Variants in GABRG2 observed in about 807,000 individuals in gnomAD.
The protein encoded by GABRG2 is gamma-aminobutyric acid type A receptor subunit gamma2, also known as gamma-aminobutyric acid receptor subunit gamma-2.
In GABRG2, 16 loss-of-function variants were observed where a neutral mutation model predicts 56.4. That is an observed-to-expected ratio of 0.28 (90% confidence interval 0.19 to 0.43). The LOEUF (loss-of-function observed/expected upper bound fraction) is 0.43. Among genes scored for constraint, GABRG2 ranks in the 20% least tolerant of loss-of-function variants. GABRG2 has a pLI of 1.00. For missense variants in GABRG2, 327 were observed against 582.7 expected (o/e 0.56, Z 4.52); for synonymous variants, 208 against 205.5 (o/e 1.01, Z -0.10).
At chr5:162,097,095 G>C (rs561635015) in intron 3 of GABRG2, among the ~76,000 whole-genome samples, 1 of 152,134 alleles carries the variant, frequency 6.6e-6, no homozygotes, top group East Asian at 1.9e-4. Context: ...CAGATCTCCT[G>C]CTTATGACTT....
intron 3 of GABRG2, among the ~76,000 whole-genome samples, chr5:162,096,465 T>A (rs1761004870): frequency 1.3e-5 from 2 of 152,182 alleles, no homozygotes; most frequent in Admixed American, 6.6e-5. Flanking sequence ...TTCATGGCTT[T>A]TCTTGCCAAA....
At chr5:162,131,252 G>T (rs533708595) in intron 6 of GABRG2, among the ~76,000 whole-genome samples, 3 of 151,986 alleles carry the variant, frequency 2.0e-5, no homozygotes, top group Admixed American at 6.6e-5. Context: ...GCCTAGTTTC[G>T]TGATAATATA....
intron 1 of GABRG2, among the ~76,000 whole-genome samples, chr5:162,092,724 T>C (rs1054154220): frequency 1.3e-5 from 2 of 152,136 alleles, no homozygotes; most frequent in African/African-American, 4.8e-5. Flanking sequence ...GTGTGGCAAT[T>C]ATGTCATAGC....
intron 6 of GABRG2, among the ~76,000 whole-genome samples, chr5:162,128,838 C>T (rs1173281634): frequency 6.6e-6 from 1 of 151,846 alleles, no homozygotes; most frequent in Non-Finnish European, 1.5e-5. Flanking sequence ...AATGGAATGC[C>T]ATTGTGAGAA....
intron 6 of GABRG2, among the ~76,000 whole-genome samples, chr5:162,139,760 G>T (rs551373047): frequency 6.6e-6 from 1 of 152,210 alleles, no homozygotes; most frequent in Non-Finnish European, 1.5e-5. Flanking sequence ...ATGATAATTC[G>T]TAATTTTTTA....
intron 1 of GABRG2, among the ~76,000 whole-genome samples, chr5:162,071,348 G>A (rs566297189): frequency 2.6e-5 from 4 of 151,234 alleles, no homozygotes; most frequent in Admixed American, 2.0e-4. Flanking sequence ...AACATAAAAT[G>A]TTTTTATTTT....
chr5:162,080,853 A>G (rs1359941719), intron 1 of GABRG2, among the ~76,000 whole-genome samples: 1 of 152,182 alleles, frequency 6.6e-6, no homozygotes, highest in East Asian at 1.9e-4. Context: ...TATGTCAATG[A>G]TTTAAAACAT....
At chr5:162,088,714 G>A (rs371063754) in intron 1 of GABRG2, among the ~76,000 whole-genome samples, 125 of 152,156 alleles carry the variant, frequency 8.2e-4, no homozygotes, top group African/African-American at 2.8e-3. Flanking sequence ...TCTCAAAGCC[G>A]TGAAGAATAA....
intron 6 of GABRG2, among the ~76,000 whole-genome samples, chr5:162,121,296 G>C (rs1762963138): frequency 6.6e-6 from 1 of 152,022 alleles, no homozygotes; most frequent in Admixed American, 6.6e-5. Flanking sequence ...ATATAATTAG[G>C]TGTGAGCTAA....
chr5:162,111,075 T>C (rs1451130468), intron 6 of GABRG2, among the ~76,000 whole-genome samples: 2 of 152,134 alleles, frequency 1.3e-5, no homozygotes, highest in Non-Finnish European at 2.9e-5. Flanking sequence ...TAACCAAGGT[T>C]ACACTGTCAA....
intron 1 of GABRG2, among the ~76,000 whole-genome samples, chr5:162,092,345 G>A (rs1760666308): frequency 2.0e-5 from 3 of 152,080 alleles, no homozygotes; most frequent in Non-Finnish European, 4.4e-5. Flanking sequence ...GGGTATGTTA[G>A]GCCTTTTGCA....
At chr5:162,151,828 A>G (rs1425126005) in intron 9 of GABRG2, 75 bp downstream of exon 9, 2 of 1,307,086 alleles carry the variant, frequency 1.5e-6, no homozygotes, top group Admixed American at 3.5e-5. Flanking sequence ...ATGGTGTTTT[A>G]TTTTGTTTTA....
intron 1 of GABRG2, among the ~76,000 whole-genome samples, chr5:162,068,817 A>G (rs923144477): frequency 6.6e-6 from 1 of 152,092 alleles, no homozygotes; most frequent in African/African-American, 2.4e-5. Flanking sequence ...AATGAAATAT[A>G]CAGATCCTGA....
At chr5:162,128,467 A>G (rs978767613) in intron 6 of GABRG2, 8 of 151,928 alleles carry the variant, frequency 5.3e-5, no homozygotes, top group Admixed American at 2.6e-4. Context: ...TCAAGGAACA[A>G]TGCTGGAAAT....
At chr5:162,152,058 C>G (rs530509495) in intron 9 of GABRG2, 6 of 311,232 alleles carry the variant, frequency 1.9e-5, no homozygotes, top group African/African-American at 1.1e-4. Flanking sequence ...GGGATTGAGT[C>G]TTACTGATTA....
At chr5:162,070,548 ATTGGTTTTTT>A (rs1758591349) in intron 1 of GABRG2, among the ~76,000 whole-genome samples, 1 of 151,558 alleles carries the variant, frequency 6.6e-6, no homozygotes, top group South Asian at 2.1e-4. Flanking sequence ...TAAAAAAAAA[ATTGGTTTTTT>A]ATTTATGTAA....
chr5:162,070,606 T>C (rs1451675755), intron 1 of GABRG2, among the ~76,000 whole-genome samples: 3 of 151,986 alleles, frequency 2.0e-5, no homozygotes, highest in Non-Finnish European at 4.4e-5. Context: ...AGTGACAAAA[T>C]TTATTAGTCT....
chr5:162,152,935 T>A, intron 9 of GABRG2, 158 bp from the exon 10 acceptor site: 1 of 875,740 alleles, frequency 1.1e-6, no homozygotes, highest in Non-Finnish European at 1.8e-6. Flanking sequence ...GTGCTATCTT[T>A]CTAAGTTCAA....
In GABRG2 at chr5:162,086,328, C is replaced by T. The variant is rs558689175; in HGVS notation, c.108-7500C>T. On this transcript the variant is annotated intron_variant, in intron 1 of 9. Coordinates refer to ENST00000639213, the MANE Select transcript of GABRG2 (RefSeq NM_198904.4). ...ATTCATCGGGTGTCTTGCCAAATGC[C>T]CAACACTTACAAAGTTTTAGAAAAC... Among the ~76,000 whole-genome samples the T allele has an allele frequency of 3.9e-5, 6 of 152,034 alleles. No individual in the cohort carries two copies. The South Asian group carries it at 1.2e-3, about 32-fold the overall frequency.
Sources: allele counts gnomAD v4.1 joint callset (sites outside exome capture counted in the v4.1 genomes callset), GRCh38; gene constraint gnomAD v4.1.1; transcripts MANE v1.5; gene names NCBI Gene and HGNC (gene_info 2026-07-23, HGNC 2026-07-21).